USP49: variants seen among roughly 807,000 people sequenced by gnomAD.
USP49 encodes the protein ubiquitin specific peptidase 49, also known as ubiquitin carboxyl-terminal hydrolase 49.
A neutral mutation model predicts 58.6 loss-of-function variants in USP49; 24 were observed. The ratio of observed to expected loss-of-function variants is 0.41; its 90% CI spans 0.30 to 0.58. The LOEUF is 0.58. Among genes scored for constraint, USP49 ranks in the 20% least tolerant of loss-of-function variants. USP49 has a pLI of 0.30. For missense variants in USP49, 703 were observed against 866.1 expected (o/e 0.81, Z 2.36); for synonymous variants, 408 against 365.1 (o/e 1.12, Z -1.34).
intron 3 of USP49, among the ~76,000 whole-genome samples, chr6:41,867,284 C>T (rs1774334578): frequency 6.6e-6 from 1 of 152,156 alleles, no homozygotes; most frequent in Non-Finnish European, 1.5e-5. Context: ...TTCTCCTCTA[C>T]AACTTTCTGC....
intron 2 of USP49, among the ~76,000 whole-genome samples, chr6:41,873,172 G>T (rs971534374): frequency 6.6e-6 from 1 of 152,224 alleles, no homozygotes; most frequent in Non-Finnish European, 1.5e-5. Flanking sequence ...AGGTGGGGGT[G>T]AAGCTCTTGG....
chr6:41,799,919 A>G lies in USP49; in HGVS notation c.1581T>C (p.Asn527=). ...CTTCACTCAGAACAAGGGGTTTGGGATTGGATTTTCGTCGTTTGCCTATGT... is the reference window on the plus strand; with the variant it reads ...CTTCACTCAGAACAAGGGGTTTGGGGTTGGATTTTCGTCGTTTGCCTATGT... ...DQCNSKRRKS[N]PKPLVLSEAR... is the part of the protein sequence containing the mutation. The change falls in exon 6 of 8, where the codon AAT becomes AAC. Residue 527 remains asparagine (N), a synonymous_variant. Transcript: ENST00000682992. The G allele has an allele frequency of 1.2e-6, 2 of 1,614,088 alleles. No individual in the cohort carries two copies. The highest frequency in any genetic ancestry group is 1.7e-6 in the Non-Finnish European group (2 of 1,179,964).
At chr6:41,876,444 C>G (rs923767143) in intron 2 of USP49, among the ~76,000 whole-genome samples, 2 of 151,868 alleles carry the variant, frequency 1.3e-5, no homozygotes, top group East Asian at 3.9e-4. Flanking sequence ...TAAGACAGAG[C>G]TTCGCTCTGT....
At chr6:41,864,794 A>G (rs1008105286) in intron 3 of USP49, among the ~76,000 whole-genome samples, 2 of 152,156 alleles carry the variant, frequency 1.3e-5, no homozygotes, top group African/African-American at 4.8e-5. Context: ...GATAAGACAG[A>G]CATCTAGCCA....
rs142309876 is a variant in USP49, at chr6:41,805,990, A to G, written c.994T>C (p.Trp332Arg). The change falls in exon 4 of 8, where the codon TGG becomes CGG. Residue 332 changes from tryptophan (W) to arginine (R), a missense_variant. Coordinates refer to ENST00000682992, the MANE Select transcript of USP49 (RefSeq NM_001286554.2). The stretch of plus-strand genomic sequence containing the variant: ...CGACTAATGGAGGCCCTGCCGTTCC[A>G]GCAGAAGCCCTCCCGCTCGCATGCC... ...AEACEREGFC[W>R]NGRASISRSL... 752 of 1,613,930 alleles carry G rather than the reference A, an allele frequency of 4.7e-4. 1 individual carries two copies. The highest frequency in any genetic ancestry group is 5.8e-4 in the Non-Finnish European group (681 of 1,180,028).
At chr6:41,814,635 A>G (rs1773317022) in intron 3 of USP49, among the ~76,000 whole-genome samples, 1 of 146,652 alleles carries the variant, frequency 6.8e-6, no homozygotes, top group Non-Finnish European at 1.5e-5. Flanking sequence ...AGAAAAACAA[A>G]ATAGGGGGAA....
intron 3 of USP49, among the ~76,000 whole-genome samples, chr6:41,828,101 T>A (rs572307152): frequency 1.3e-5 from 2 of 152,238 alleles, no homozygotes; most frequent in South Asian, 4.1e-4. Context: ...ACAAAACATA[T>A]AATCACCACT....
In USP49 at chr6:41,794,572, G is replaced by C. The variant is rs1411946088; in HGVS notation, c.*1961C>G. ...TTTTGAGTTAATGGGCTTTTCTATT[G>C]CCACAAAAAGTCATTACTAATCATG... On this transcript the variant is annotated 3_prime_UTR_variant, in exon 8 of 8. Coordinates refer to ENST00000682992, the MANE Select transcript of USP49 (RefSeq NM_001286554.2). 6.6e-6 allele frequency: 1 copy of C among 151,874 alleles called. No homozygotes were observed. The highest frequency in any genetic ancestry group is 1.5e-5 in the Non-Finnish European group (1 of 67,988). The allele number at this position is 151,874 out of a possible 1,614,324, so 9.4% of individuals were successfully genotyped here. A position where few individuals can be genotyped will look rare whatever the true frequency, so the allele number is the denominator to read the frequency against.
chr6:41,791,563 C>G lies in USP49; in HGVS notation c.*4970G>C, dbSNP rs1772798115. 1 of 152,188 alleles carries G rather than the reference C, an allele frequency of 6.6e-6. No individual in the cohort carries two copies. The highest frequency in any genetic ancestry group is 2.1e-4 in the South Asian group (1 of 4,832). The allele number at this position is 152,188 out of a possible 1,614,324, so 9.4% of individuals were successfully genotyped here. A position where few individuals can be genotyped will look rare whatever the true frequency, so the allele number is the denominator to read the frequency against. On this transcript the variant is annotated 3_prime_UTR_variant, in exon 8 of 8. Coordinates refer to ENST00000682992, the MANE Select transcript of USP49 (RefSeq NM_001286554.2). ...CACTATTGCCAAAGCAACATTTTCC[C>G]CAAGGAAAGTCAATTTGATATCCTG...
chr6:41,850,900 C>T (rs1582020643), intron 3 of USP49, among the ~76,000 whole-genome samples: 1 of 151,722 alleles, frequency 6.6e-6, no homozygotes, highest in East Asian at 1.9e-4. Context: ...CGCGCCTGGC[C>T]ATGGATAAAT....
intron 2 of USP49, among the ~76,000 whole-genome samples, chr6:41,886,763 G>C (rs1774719081): frequency 6.6e-6 from 1 of 152,170 alleles, no homozygotes; most frequent in African/African-American, 2.4e-5. Context: ...GTCGGGCGTG[G>C]TGGTGCATGC....
At chr6:41,874,988 G>C (rs868122577) in intron 2 of USP49, among the ~76,000 whole-genome samples, 2 of 151,750 alleles carry the variant, frequency 1.3e-5, no homozygotes, top group Non-Finnish European at 2.9e-5. Context: ...GAGAGAGAAA[G>C]AAAGAAAGAG....
chr6:41,889,984 G>C (rs749860647), intron 2 of USP49, among the ~76,000 whole-genome samples: 3 of 152,154 alleles, frequency 2.0e-5, no homozygotes, highest in Non-Finnish European at 4.4e-5. Context: ...CCAAAAAATA[G>C]AGTATTAACA....
chr6:41,841,019 A>C (rs540427792), intron 3 of USP49, among the ~76,000 whole-genome samples: 91 of 151,784 alleles, frequency 6.0e-4, no homozygotes, highest in East Asian at 1.7e-3. Flanking sequence ...TGTTTCAAAA[A>C]AAAAAACAAA....
chr6:41,815,337 C>T (rs1345345609), intron 3 of USP49, among the ~76,000 whole-genome samples: 1 of 151,360 alleles, frequency 6.6e-6, no homozygotes, highest in African/African-American at 2.4e-5. Flanking sequence ...AGGAGAATGG[C>T]GTGAACCTGG....
rs763647877 is a variant in USP49, at chr6:41,806,112, T to A, written c.872A>T (p.His291Leu). 1.9e-6 allele frequency: 3 copies of A among 1,613,970 alleles called. No individual in the cohort carries two copies. Among genetic ancestry groups the A allele is most frequent in the Non-Finnish European group, 2.5e-6 (3 of 1,180,042 alleles). The change falls in exon 4 of 8, where the codon CAT (histidine) becomes CTT (leucine). Residue 291 changes from histidine to leucine, a missense_variant. By Grantham distance (99) the His-to-Leu change is moderately conservative. This residue lies in a region of USP49 where 97 missense variants were observed against 88.0 expected (regional missense o/e 1.10). Coordinates refer to ENST00000682992, the MANE Select transcript of USP49 (RefSeq NM_001286554.2). The surrounding 1 kb of genome is among the most constrained non-coding windows in gnomAD (Gnocchi z 5.9). ...FLNLDPSKTE[H>L]LFPKATNGKT... ...CCCGTTGGTGGCTTTGGGAAACAGA[T>A]GTTCCGTTTTGGAAGGGTCAAGGTT...
chr6:41,847,817 A>G (rs1237418349), intron 3 of USP49, among the ~76,000 whole-genome samples: 1 of 152,218 alleles, frequency 6.6e-6, no homozygotes, highest in Admixed American at 6.5e-5. Context: ...TGAAATGCAC[A>G]TTATGAAAAC....
At position 41,830,827 on chromosome 6, in the gene USP49, G is replaced by GA. The variant is rs199727732; in HGVS notation, c.-28-23817dup. On this transcript the variant is annotated intron_variant, in intron 3 of 7. Transcript: ENST00000682992. Reference sequence around the variant, plus strand: ...AACAGAGCAAGACTCCGTCTCAAGAGAAAAAAAAAAAATTTAGGAAAGCAG... The same window carrying GA: ...AACAGAGCAAGACTCCGTCTCAAGAGAAAAAAAAAAAAATTTAGGAAAGCAG... Among the ~76,000 whole-genome samples, 716 of 141,352 alleles carry GA rather than the reference G, an allele frequency of 5.1e-3. 4 individuals carry two copies. Among genetic ancestry groups the GA allele is most frequent in the Middle Eastern group, 0.046 (13 of 282 alleles). The allele number at this position is 141,352 out of a possible 152,430, so 92.7% of individuals were successfully genotyped here. A position where few individuals can be genotyped will look rare whatever the true frequency, so the allele number is the denominator to read the frequency against.
At position 41,806,591 on chromosome 6, in the gene USP49, G is replaced by A. The variant is rs1202424928; in HGVS notation, c.393C>T (p.Arg131=). Residue 131 remains arginine (R), a synonymous_variant, in exon 4 of 8, where the codon CGC becomes CGT. Coordinates refer to ENST00000682992, the MANE Select transcript of USP49 (RefSeq NM_001286554.2). The surrounding 1 kb of genome is among the most constrained non-coding windows in gnomAD (Gnocchi z 5.9). Reference sequence around the variant, plus strand: ...GCATCTGCGGCTGTCCCTGAGGAGCGCGCTGCGGCAGGACCACGTCCTCAC... The same window carrying A: ...GCATCTGCGGCTGTCCCTGAGGAGCACGCTGCGGCAGGACCACGTCCTCAC... ...ASGEDVVLPQ[R]APQGQPQMLT... 2.5e-6 allele frequency: 4 copies of A among 1,606,028 alleles called. No homozygotes were observed. In the South Asian group the frequency reaches 3.3e-5, roughly 13 times the overall value.
Sources: allele counts gnomAD v4.1 joint callset (sites outside exome capture counted in the v4.1 genomes callset), GRCh38; gene constraint gnomAD v4.1.1; regional missense constraint gnomAD v4.1.1; non-coding constraint Gnocchi (gnomAD v3.1); transcripts MANE v1.5; gene names NCBI Gene and HGNC (gene_info 2026-07-23, HGNC 2026-07-21).